Variants in SCGB2B2 observed in about 807,000 individuals in gnomAD.
SCGB2B2 encodes secretoglobin-like protein.
Under a neutral mutation model 7.6 loss-of-function variants are expected in SCGB2B2, and 11 were observed. That is an observed-to-expected ratio of 1.45 (90% confidence interval 0.91 to 2.40). The LOEUF is 2.40. Among genes scored for constraint, SCGB2B2 ranks in the 30% most tolerant of loss-of-function variants. The probability of loss-of-function intolerance (pLI) is 0.00; values close to 1 mark genes in which losing one functional copy is unlikely to be tolerated. For missense variants in SCGB2B2, 104 were observed against 115.4 expected (o/e 0.90, Z 0.45); for synonymous variants, 50 against 48.6 (o/e 1.03, Z -0.12).
At chr19:34,620,550 A>C (rs1300535919) in intron 1 of SCGB2B2, among the ~76,000 whole-genome samples, 1 of 151,484 alleles carries the variant, frequency 6.6e-6, no homozygotes, top group Non-Finnish European at 1.5e-5. Context: ...TTGCATTAGG[A>C]GATATACCTA....
At chr19:34,620,863 G>A (rs1007985831) in intron 1 of SCGB2B2, among the ~76,000 whole-genome samples, 1 of 152,074 alleles carries the variant, frequency 6.6e-6, no homozygotes, top group African/African-American at 2.4e-5. Context: ...CAGTAATTAT[G>A]AGAATGTATA....
chr19:34,608,472 C>T (rs548019266), intron 1 of SCGB2B2, among the ~76,000 whole-genome samples: 66 of 150,916 alleles, frequency 4.4e-4, no homozygotes, highest in African/African-American at 1.6e-3. Flanking sequence ...TTTTCCTTGC[C>T]TCTAGTGACC....
chr19:34,661,324 T>C (rs2067450783), intron 1 of SCGB2B2, among the ~76,000 whole-genome samples: 2 of 151,576 alleles, frequency 1.3e-5, no homozygotes, highest in Admixed American at 1.3e-4. Context: ...GAAATACATA[T>C]GTAAAAAATT....
At position 34,593,572 on chromosome 19, in the gene SCGB2B2, T is replaced by C. The variant is rs115234601; in HGVS notation, c.274A>G (p.Ile92Val). The change falls in exon 4 of 4, where the codon ATA becomes GTA. Residue 92 changes from isoleucine to valine, a missense_variant. Physicochemically the swap from Ile to Val is conservative, Grantham distance 29. Transcript: ENST00000601241. Reference sequence around the variant, plus strand: ...TCCTCAGATCAGAAGGCTGCTTCTATGCAATCGTTGCTCTGAAGGATCTTC... The same window carrying C: ...TCCTCAGATCAGAAGGCTGCTTCTACGCAATCGTTGCTCTGAAGGATCTTC... ...IKKILQSNDC[I>V]EAAF The C allele has an allele frequency of 1.9e-3, 2,965 of 1,553,816 alleles. 5 individuals carry two copies. Among genetic ancestry groups the C allele is most frequent in the Middle Eastern group, 2.7e-3 (15 of 5,604 alleles).
intron 1 of SCGB2B2, among the ~76,000 whole-genome samples, chr19:34,597,858 C>T (rs935456282): frequency 3.3e-5 from 5 of 152,138 alleles, no homozygotes; most frequent in East Asian, 1.9e-4. Context: ...GGTGTGGGGG[C>T]GTCTCTTGTG....
At chr19:34,616,348 CTGT>C (rs1353159357) in intron 1 of SCGB2B2, among the ~76,000 whole-genome samples, 3 of 135,760 alleles carry the variant, frequency 2.2e-5, no homozygotes, top group East Asian at 2.0e-4. Context: ...TCTCCAGCAC[CTGT>C]TGTTTCCTGA....
intron 1 of SCGB2B2, among the ~76,000 whole-genome samples, chr19:34,606,225 TTAACA>T (rs2065774362): frequency 1.3e-5 from 2 of 152,238 alleles, no homozygotes; most frequent in African/African-American, 4.8e-5. Context: ...ATGTACAGCT[TTAACA>T]TATATATTTA....
chr19:34,665,621 C>T (rs1372589877), intron 1 of SCGB2B2, among the ~76,000 whole-genome samples: 2 of 131,460 alleles, frequency 1.5e-5, no homozygotes, highest in African/African-American at 2.6e-5. Context: ...GTGTGTGACA[C>T]AGGCAGGAAC....
rs563120476 is a variant in SCGB2B2 at position 34,621,446 on chromosome 19, T to A, written c.-2031-24852A>T. On this transcript the variant is annotated intron_variant, in intron 1 of 3. Transcript: ENST00000601241. ...GTCTCACAAAATGGAATCCTTGGCA[T>A]TTTTTTTTTTTCCCCAAGGAGTCCC... is the stretch of plus-strand genomic sequence containing the variant. Among the ~76,000 whole-genome samples, 5 of 144,674 alleles carry A rather than the reference T, an allele frequency of 3.5e-5. No individual in the cohort carries two copies. In the South Asian group the frequency reaches 1.1e-3, roughly 32 times the overall value. 94.9% of individuals were successfully genotyped at this position (144,674 alleles called of 152,430 possible). A position where few individuals can be genotyped will look rare whatever the true frequency, so the allele number is the denominator to read the frequency against.
chr19:34,585,825 C>T (rs1223414137), downstream of SCGB2B2, among the ~76,000 whole-genome samples: 6 of 152,182 alleles, frequency 3.9e-5, no homozygotes, highest in Non-Finnish European at 2.9e-5. Context: ...AAGACATCTC[C>T]AAAAGCCAAT....
At chr19:34,665,365 C>G (rs938638724) in intron 1 of SCGB2B2, among the ~76,000 whole-genome samples, 1 of 152,188 alleles carries the variant, frequency 6.6e-6, no homozygotes, top group African/African-American at 2.4e-5. Context: ...TGAGGTGGCT[C>G]AAAGTGGTGC....
At chr19:34,614,776 C>T (rs1018141251) in intron 1 of SCGB2B2, among the ~76,000 whole-genome samples, 1 of 152,178 alleles carries the variant, frequency 6.6e-6, no homozygotes, top group African/African-American at 2.4e-5. Flanking sequence ...AAGACTTTCC[C>T]CTCCAGTTGG....
intron 1 of SCGB2B2, among the ~76,000 whole-genome samples, chr19:34,674,289 G>A (rs928832582): frequency 6.6e-6 from 1 of 152,148 alleles, no homozygotes; most frequent in Non-Finnish European, 1.5e-5. Context: ...TGTCTGAAAG[G>A]AAATTATATA....
At chr19:34,649,311 GA>G (rs200493014) in intron 1 of SCGB2B2, among the ~76,000 whole-genome samples, 2,687 of 152,276 alleles carry the variant, frequency 0.018, 43 homozygotes, top group South Asian at 0.076. Flanking sequence ...AAAAAAGAGA[GA>G]AATCCTTTGA....
At chr19:34,633,519 C>T (rs2066592217) in intron 1 of SCGB2B2, among the ~76,000 whole-genome samples, 2 of 152,018 alleles carry the variant, frequency 1.3e-5, no homozygotes, top group South Asian at 4.2e-4. Flanking sequence ...AAGCAAAAAA[C>T]AGCATTTTGT....
At chr19:34,609,859 A>G (rs1466256787) in intron 1 of SCGB2B2, among the ~76,000 whole-genome samples, 3 of 151,940 alleles carry the variant, frequency 2.0e-5, no homozygotes, top group Admixed American at 2.0e-4. Flanking sequence ...CTCTGTGAAG[A>G]TGTCGTTGGT....
chr19:34,650,051 GTC>G (rs2067124505), intron 1 of SCGB2B2, among the ~76,000 whole-genome samples: 1 of 151,224 alleles, frequency 6.6e-6, no homozygotes, highest in Non-Finnish European at 1.5e-5. Context: ...TGCCCTATGT[GTC>G]TCCAGCATGG....
intron 1 of SCGB2B2, among the ~76,000 whole-genome samples, chr19:34,629,714 A>G (rs1030944098): frequency 1.7e-4 from 26 of 152,160 alleles, no homozygotes; most frequent in Admixed American, 6.5e-4. Flanking sequence ...TATAGATTCA[A>G]TGCCATCTCC....
chr19:34,628,954 G>C (rs1262694169), intron 1 of SCGB2B2, among the ~76,000 whole-genome samples: 1 of 151,958 alleles, frequency 6.6e-6, no homozygotes, highest in Non-Finnish European at 1.5e-5. Flanking sequence ...GGGATGCAAG[G>C]CTGGTTCAAC....
Sources: gnomAD v4.1 joint callset for allele counts (sites outside exome capture counted in the v4.1 genomes callset) on GRCh38, gnomAD v4.1.1 for gene constraint, MANE v1.5 for transcripts, NCBI Gene and HGNC (gene_info 2026-07-23, HGNC 2026-07-21) for gene names.